MYT1L: variants seen among roughly 807,000 people sequenced by gnomAD.
The protein encoded by MYT1L is myelin transcription factor 1 like.
Under a neutral mutation model 126.7 loss-of-function variants are expected in MYT1L, and 12 were observed. The ratio of observed to expected loss-of-function variants is 0.09; its 90% confidence interval spans 0.06 to 0.15. MYT1L has a LOEUF of 0.15. MYT1L is among the 10% of genes least tolerant of loss of function. The probability of loss-of-function intolerance (pLI) is 1.00; values close to 1 mark genes in which losing one functional copy is unlikely to be tolerated. For missense variants in MYT1L, 979 were observed against 1,585.2 expected (o/e 0.62, Z 6.49); for synonymous variants, 541 against 604.2 (o/e 0.90, Z 1.53).
At chr2:1,817,237 A>G (rs533460444) in intron 21 of MYT1L, among the ~76,000 whole-genome samples, 27 of 152,334 alleles carry the variant, frequency 1.8e-4, no homozygotes, top group Non-Finnish European at 3.5e-4. Flanking sequence ...AATTAAGTGC[A>G]TGGGAGAGAA....
At chr2:2,087,739 C>T (rs756488219) in intron 3 of MYT1L, among the ~76,000 whole-genome samples, 7 of 152,100 alleles carry the variant, frequency 4.6e-5, no homozygotes, top group Non-Finnish European at 4.4e-5. Context: ...AGGGACTAAC[C>T]CAGTGCTTCT....
At chr2:2,159,114 C>T (rs923890356) in intron 3 of MYT1L, among the ~76,000 whole-genome samples, 11 of 152,228 alleles carry the variant, frequency 7.2e-5, no homozygotes, top group East Asian at 3.9e-4. Context: ...TCAGCCGGCA[C>T]GGGGACATGT....
intron 18 of MYT1L, among the ~76,000 whole-genome samples, chr2:1,867,470 A>C (rs534202661): frequency 6.6e-6 from 1 of 152,146 alleles, no homozygotes; most frequent in Non-Finnish European, 1.5e-5. Context: ...CTAATCACCA[A>C]CTTGAATCCA....
chr2:2,184,969 C>T (rs1559266533), intron 2 of MYT1L, among the ~76,000 whole-genome samples: 1 of 152,182 alleles, frequency 6.6e-6, no homozygotes, highest in African/African-American at 2.4e-5. Flanking sequence ...CCTCTCTGGC[C>T]TTTACTTTTG....
chr2:1,941,666 C>T (rs1404910998), intron 9 of MYT1L, among the ~76,000 whole-genome samples: 2 of 139,830 alleles, frequency 1.4e-5, no homozygotes, highest in African/African-American at 5.3e-5. Flanking sequence ...TTATGTAATG[C>T]ATGTGTGTGT....
intron 1 of MYT1L, among the ~76,000 whole-genome samples, chr2:2,306,527 CCTAAGGG>C (rs2095861618): frequency 6.6e-6 from 1 of 152,138 alleles, no homozygotes. Flanking sequence ...ACTCATGTGT[CCTAAGGG>C]CCTTGGGAAT....
chr2:2,017,111 G>A (rs1167311657), intron 4 of MYT1L, among the ~76,000 whole-genome samples: 2 of 152,170 alleles, frequency 1.3e-5, no homozygotes, highest in African/African-American at 4.8e-5. Context: ...TTACAGGCTG[G>A]GGAGTGGCTT....
chr2:2,054,762 C>T (rs1363304446), intron 3 of MYT1L, among the ~76,000 whole-genome samples: 1 of 151,440 alleles, frequency 6.6e-6, no homozygotes, highest in Non-Finnish European at 1.5e-5. Flanking sequence ...AGATGAGATA[C>T]ATGGAAATGA....
chr2:2,030,824 T>C (rs946916779), intron 4 of MYT1L, among the ~76,000 whole-genome samples: 2 of 152,222 alleles, frequency 1.3e-5, no homozygotes, highest in Admixed American at 1.3e-4. Context: ...CAGCCAGTGG[T>C]CCTATTTTGA....
chr2:1,956,270 GTCTA>G lies in MYT1L; in HGVS notation c.153-12940_153-12937del, dbSNP rs2058370970. ...CTATTCTATATTTCCTATTCTATCTGTCTATCTACCTATCTATCATCTATCTATC... is the reference window on the plus strand; with the variant it reads ...CTATTCTATATTTCCTATTCTATCTGTCTACCTATCTATCATCTATCTATC... On this transcript the variant is annotated intron_variant, in intron 8 of 24. Transcript: ENST00000647738. Among the ~76,000 whole-genome samples, 3 of 134,094 alleles carry G rather than the reference GTCTA, an allele frequency of 2.2e-5. 1 individual carries two copies. Among genetic ancestry groups the G allele is most frequent in the Admixed American group, 7.2e-5 (1 of 13,798 alleles). The allele number at this position is 134,094 out of a possible 152,430, so 88.0% of individuals were successfully genotyped here.
intron 1 of MYT1L, chr2:2,306,223 C>T (rs1271578422): frequency 6.6e-6 from 1 of 152,168 alleles, no homozygotes; most frequent in Non-Finnish European, 1.5e-5. Context: ...CTTCCACTCT[C>T]ATCATTAACA....
chr2:2,297,279 T>C (rs1379156801), intron 1 of MYT1L, among the ~76,000 whole-genome samples: 1 of 152,242 alleles, frequency 6.6e-6, no homozygotes, highest in Non-Finnish European at 1.5e-5. Context: ...CATTTCTCCC[T>C]GCTCAGCTCA....
chr2:2,295,755 C>CAGACAGACAGAGAGAGAG (rs1559586072), intron 1 of MYT1L, among the ~76,000 whole-genome samples: 4 of 18,912 alleles, frequency 2.1e-4, no homozygotes, highest in Non-Finnish European at 5.6e-4. Context: ...GAGAGAGAGA[C>CAGACAGACAGAGAGAGAG]AGACAGACAG....
intron 2 of MYT1L, among the ~76,000 whole-genome samples, chr2:2,203,851 C>T (rs184386708): frequency 0.025 from 3,739 of 152,284 alleles, 71 homozygotes; most frequent in South Asian, 0.045. Flanking sequence ...CACTACCTGA[C>T]TTCAAACTAT....
intron 4 of MYT1L, among the ~76,000 whole-genome samples, chr2:2,036,854 C>T (rs2066910881): frequency 1.3e-5 from 2 of 152,168 alleles, no homozygotes; most frequent in African/African-American, 4.8e-5. Flanking sequence ...TCACCAGTAG[C>T]TTCCACCACA....
At chr2:2,317,059 C>T (rs749236931) in intron 1 of MYT1L, among the ~76,000 whole-genome samples, 27 of 152,010 alleles carry the variant, frequency 1.8e-4, no homozygotes, top group African/African-American at 6.3e-4. Flanking sequence ...CCTCGTGATC[C>T]GCCCATCTTG....
chr2:2,187,117 G>T (rs1471409702), intron 2 of MYT1L, among the ~76,000 whole-genome samples: 1 of 152,196 alleles, frequency 6.6e-6, no homozygotes, highest in Non-Finnish European at 1.5e-5. Context: ...CACAGTGAGT[G>T]ACAGACAAGC....
At chr2:2,302,123 C>T (rs544110632) in intron 1 of MYT1L, among the ~76,000 whole-genome samples, 246 of 152,328 alleles carry the variant, frequency 1.6e-3, no homozygotes, top group Non-Finnish European at 1.8e-3. Flanking sequence ...AAGTCCACTT[C>T]ACCACTGGTG....
intron 8 of MYT1L, among the ~76,000 whole-genome samples, chr2:1,951,803 T>G (rs1213731910): frequency 6.6e-6 from 1 of 152,218 alleles, no homozygotes; most frequent in African/African-American, 2.4e-5. Flanking sequence ...TCTTATTTCC[T>G]TTCTCATGTC....
Sources: allele counts gnomAD v4.1 joint callset (sites outside exome capture counted in the v4.1 genomes callset), GRCh38; gene constraint gnomAD v4.1.1; transcripts MANE v1.5; gene names NCBI Gene and HGNC (gene_info 2026-07-23, HGNC 2026-07-21).